Variants in ZNF20 observed in about 807,000 individuals in gnomAD.
The protein encoded by ZNF20 is zinc finger protein KOX13.
ZNF20 carries 9 observed loss-of-function variants against 11.0 expected under a neutral mutation model. The ratio of observed to expected loss-of-function variants is 0.82; its 90% confidence interval spans 0.49 to 1.43. The LOEUF is 1.43. Among genes scored for constraint, ZNF20 ranks in the 40% most tolerant of loss-of-function variants. The pLI is 0.00. For synonymous variants in ZNF20, 182 were observed against 213.0 expected (o/e 0.85, Z 1.27); for missense variants, 528 against 640.8 (o/e 0.82, Z 1.90).
intron 2 of ZNF20, 96 bp downstream of exon 2, chr19:12,135,673 A>G (rs1276242628): frequency 3.8e-6 from 6 of 1,590,990 alleles, no homozygotes; most frequent in Non-Finnish European, 5.1e-6. Context: ...TATTCATCAA[A>G]GTATTTTTTG....
intron 1 of ZNF20, among the ~76,000 whole-genome samples, chr19:12,136,324 C>T (rs759299680): frequency 4.6e-5 from 7 of 151,184 alleles, no homozygotes; most frequent in Non-Finnish European, 1.0e-4. Context: ...TACAGTGGGC[C>T]GAGATCGCGT....
intron 1 of ZNF20, 30 bp downstream of exon 1, chr19:12,140,150 C>T (rs745684580): frequency 1.9e-6 from 3 of 1,594,428 alleles, no homozygotes; most frequent in Admixed American, 3.5e-5. Context: ...GCCCCTCCCC[C>T]GTCTGGGGAC....
chr19:12,140,253 G>A lies in ZNF20; in HGVS notation c.-71C>T, dbSNP rs1251819460. The A allele has an allele frequency of 1.3e-6, 2 of 1,570,482 alleles. No individual in the cohort carries two copies. The highest frequency in any genetic ancestry group is 1.7e-6 in the Non-Finnish European group (2 of 1,156,560). On this transcript the variant is annotated 5_prime_UTR_variant, in exon 1 of 4. Coordinates refer to ENST00000334213, the MANE Select transcript of ZNF20 (RefSeq NM_021143.4). ...AATAGTGCGGGTCACGGTGCAGGCGGCAGAGCGACAGAAGTTGTGGCAGAG... is the reference window on the plus strand; with the variant it reads ...AATAGTGCGGGTCACGGTGCAGGCGACAGAGCGACAGAAGTTGTGGCAGAG...
chr19:12,132,998 T>G lies in ZNF20; in HGVS notation c.1188A>C (p.Glu396Asp). ...TGAATACTTTTCCACATTCCTTACA[T>G]TCATGGGGTTTCTCTCCACTGTGCG... ...ERTHSGEKPH[E>D]CKECGKVFKY... Residue 396 changes from glutamate (E) to aspartate (D), a missense_variant, in exon 4 of 4, where the codon GAA becomes GAC. Glu to Asp is a conservative substitution (Grantham distance 45). Transcript: ENST00000334213. 1 of 1,614,074 alleles carries G rather than the reference T, an allele frequency of 6.2e-7. No homozygotes were observed. Among genetic ancestry groups the G allele is most frequent in the Non-Finnish European group, 8.5e-7 (1 of 1,179,954 alleles).
rs993704924 is a variant in ZNF20, at chr19:12,132,241, G to A, written c.*346C>T. ...ATATCTGGAGACCTACAACTCTGAG[G>A]AACAGAGACAAGTGATTTGGGGGAT... is the stretch of plus-strand genomic sequence containing the variant. On this transcript the variant is annotated 3_prime_UTR_variant, in exon 4 of 4. Coordinates refer to ENST00000334213, the MANE Select transcript of ZNF20 (RefSeq NM_021143.4). The A allele has an allele frequency of 8.8e-6, 2 of 227,954 alleles. No homozygotes were observed. The highest frequency in any genetic ancestry group is 1.1e-4 in the East Asian group (1 of 9,336). The allele number at this position is 227,954 out of a possible 1,614,324, so 14.1% of individuals were successfully genotyped here.
Position 12,133,170 on chromosome 19 carries a change from T to C in ZNF20, c.1016A>G (p.Tyr339Cys), listed in dbSNP as rs201539246. Residue 339 changes from tyrosine (Y) to cysteine (C), a missense_variant, in exon 4 of 4, where the codon TAT (tyrosine) becomes TGT (cysteine). By Grantham distance (194) the Tyr-to-Cys change is radical. Coordinates refer to ENST00000334213, the MANE Select transcript of ZNF20 (RefSeq NM_021143.4). ...GGCTTTACCACATTGCCTACATTCA[T>C]AGGGTTTCTCTCCAGTGTGAGTCCT... The part of the protein sequence containing the change: ...HGRTHTGEKP[Y>C]ECRQCGKAFR... 5.0e-6 allele frequency: 8 copies of C among 1,613,884 alleles called. No individual in the cohort carries two copies. The South Asian group carries it at 5.5e-5, about 11-fold the overall frequency.
Position 12,132,622 on chromosome 19 carries a change from G to T in ZNF20, c.1564C>A (p.Arg522=). ...ATGGTATGAGTTCTTTCATGTTCTC[G>T]ACATGAACTGGCACGAATAAAGGCT... ...GKAFIRASSC[R]EHERTHTINR The change falls in exon 4 of 4, where the codon CGA becomes AGA. Residue 522 remains arginine, a synonymous_variant. Coordinates refer to ENST00000334213, the MANE Select transcript of ZNF20 (RefSeq NM_021143.4). The T allele has an allele frequency of 1.2e-6, 2 of 1,606,264 alleles. No homozygotes were observed. Among genetic ancestry groups the T allele is most frequent in the South Asian group, 1.1e-5 (1 of 89,930 alleles).
In ZNF20 at chr19:12,139,533, ATTT is replaced by A. The variant is rs550020752; in HGVS notation, c.3+644_3+646del. Among the ~76,000 whole-genome samples the A allele has an allele frequency of 6.9e-6, 1 of 145,842 alleles. No homozygotes were observed. Among genetic ancestry groups the A allele is most frequent in the Non-Finnish European group, 1.5e-5 (1 of 66,200 alleles). On this transcript the variant is annotated intron_variant, in intron 1 of 3. Transcript: ENST00000334213. The surrounding 1 kb of genome is among the most constrained non-coding windows in gnomAD (Gnocchi z 4.0). ...ATCGCTGTTTGCTCAAACTCTTTAA[ATTT>A]TTTTTTTTTTTTGAGATGGAATCTC...
At position 12,132,292 on chromosome 19, in the gene ZNF20, C is replaced by G. The variant is rs532380276; in HGVS notation, c.*295G>C. ...ATTCTCGATTAACAAGCCAAAGAAT[C>G]AGGAAAATGGGCTGGAAGCGGGTAG... On this transcript the variant is annotated 3_prime_UTR_variant, in exon 4 of 4. Coordinates refer to ENST00000334213, the MANE Select transcript of ZNF20 (RefSeq NM_021143.4). 2 of 324,216 alleles carry G rather than the reference C, an allele frequency of 6.2e-6. No individual in the cohort carries two copies. The highest frequency in any genetic ancestry group is 1.4e-4 in the South Asian group (2 of 13,902). 20.1% of individuals were successfully genotyped at this position (324,216 alleles called of 1,614,324 possible).
In ZNF20 at chr19:12,133,325, T is replaced by C. The variant is rs779729546; in HGVS notation, c.861A>G (p.Gln287=). The C allele has an allele frequency of 1.2e-5, 20 of 1,614,094 alleles. No individual in the cohort carries two copies. Among genetic ancestry groups the C allele is most frequent in the African/African-American group, 1.1e-4 (8 of 74,952 alleles). Reference sequence around the variant, plus strand: ...TGAAAGAAATGAAGACTTTCCCACATTGCTTACACTCATAGGGTTTTTCTC... The same window carrying C: ...TGAAAGAAATGAAGACTTTCCCACACTGCTTACACTCATAGGGTTTTTCTC... ...HTGEKPYECK[Q]CGKVFISFSS... Residue 287 remains glutamine (Q), a synonymous_variant, in exon 4 of 4, where the codon CAA becomes CAG. Transcript: ENST00000334213.
intron 2 of ZNF20, 62 bp from the exon 3 acceptor site, chr19:12,135,622 T>C (rs1976698108): frequency 6.3e-7 from 1 of 1,594,398 alleles, no homozygotes; most frequent in Admixed American, 1.8e-5. Context: ...TTAAAAATCA[T>C]TAGATTCTGT....
chr19:12,132,589 A>G lies in ZNF20; in HGVS notation c.1597T>C (p.Ter533ArgextTer37), dbSNP rs779609190. Residue 533 changes from the stop codon to arginine, a stop_lost, in exon 4 of 4, where the codon TGA becomes CGA. Transcript: ENST00000334213. ...EHERTHTINR[*>R] The stretch of plus-strand genomic sequence containing the variant: ...GTTGCTTCCACTAAAAGGATTTCTC[A>G]TCTATTAATGGTATGAGTTCTTTCA... 13 of 1,565,752 alleles carry G rather than the reference A, an allele frequency of 8.3e-6. No individual in the cohort carries two copies. The highest frequency in any genetic ancestry group is 4.0e-5 in the Admixed American group (2 of 49,900).
Position 12,133,708 on chromosome 19 carries a change from A to G in ZNF20, c.478T>C (p.Ser160Pro). The G allele has an allele frequency of 1.9e-6, 3 of 1,614,190 alleles. No individual in the cohort carries two copies. Among genetic ancestry groups the G allele is most frequent in the Non-Finnish European group, 2.5e-6 (3 of 1,180,038 alleles). ...TCTTTAGTGCAAGCTTTATCATGTG[A>G]TTGAAAGGAGTCAAGATAACTGAAG... ...KAFSYLDSFQSHDKACTKEKP... is the reference protein window; with the variant it reads ...KAFSYLDSFQPHDKACTKEKP... The change falls in exon 4 of 4, where the codon TCA (serine) becomes CCA (proline). Residue 160 changes from serine (S) to proline (P), a missense_variant. Ser to Pro is a moderately conservative substitution (Grantham distance 74). Transcript: ENST00000334213.
Position 12,132,683 on chromosome 19 carries a change from AGT to A in ZNF20, c.1501_1502del (p.Thr501TrpfsTer24), listed in dbSNP as rs762045587. ...GCTTGCATTGATAGGGTTTCTCTCC[AGT>A]GTGAGTCCTTTCATGATATCGAATG... ...NYIRYHERTH[T>X]GEKPYQCKQC... is the part of the protein sequence containing the mutation. On this transcript the variant is annotated frameshift_variant, in exon 4 of 4. Coordinates refer to ENST00000334213, the MANE Select transcript of ZNF20 (RefSeq NM_021143.4). LOFTEE classifies it low-confidence loss of function (END_TRUNC). The A allele has an allele frequency of 1.2e-6, 2 of 1,614,168 alleles. No individual in the cohort carries two copies. The highest frequency in any genetic ancestry group is 2.2e-5 in the East Asian group (1 of 44,884).
intron 3 of ZNF20, among the ~76,000 whole-genome samples, chr19:12,134,714 A>G (rs1976682692): frequency 1.3e-5 from 2 of 152,226 alleles, no homozygotes; most frequent in Non-Finnish European, 2.9e-5. Flanking sequence ...ACTGCCCGGC[A>G]AAGTGTCAGC....
At chr19:12,140,123 C>CCCGG in intron 1 of ZNF20, 57 bp downstream of exon 1, 1 of 1,571,742 alleles carries the variant, frequency 6.4e-7, no homozygotes, top group Non-Finnish European at 8.6e-7. Flanking sequence ...ACAGCCGCTT[C>CCCGG]CGGCCGGTTC....
Position 12,133,130 on chromosome 19 carries a change from C to G in ZNF20, c.1056G>C (p.Ser352=). ...RQCGKAFRCT[S]DLQRHEKTHT... is the part of the protein sequence containing the mutation. ...GTGTCTTTTCATGCCTTTGAAGGTC[C>G]GAGGTACATCTGAAGGCTTTACCAC... Residue 352 remains serine (S), a synonymous_variant, in exon 4 of 4, where the codon TCG becomes TCC. Transcript: ENST00000334213. 6.2e-7 allele frequency: 1 copy of G among 1,611,198 alleles called. No homozygotes were observed. The highest frequency in any genetic ancestry group is 8.5e-7 in the Non-Finnish European group (1 of 1,179,354).
At chr19:12,134,551 G>A (rs982976864) in intron 3 of ZNF20, among the ~76,000 whole-genome samples, 2 of 152,128 alleles carry the variant, frequency 1.3e-5, no homozygotes, top group African/African-American at 4.8e-5. Flanking sequence ...GCTAAGGCAC[G>A]AGAATACCTC....
chr19:12,132,445 G>C lies in ZNF20; in HGVS notation c.*142C>G. ...TTACGAAACCATCCAAGTTCTTCTA[G>C]ATTTTATTGTCCTATCGCAAGTCTC... On this transcript the variant is annotated 3_prime_UTR_variant, in exon 4 of 4. Coordinates refer to ENST00000334213, the MANE Select transcript of ZNF20 (RefSeq NM_021143.4). 1.2e-6 allele frequency: 1 copy of C among 829,350 alleles called. No homozygotes were observed. The allele number at this position is 829,350 out of a possible 1,614,324, so 51.4% of individuals were successfully genotyped here.
Sources: gnomAD v4.1 joint callset for allele counts (sites outside exome capture counted in the v4.1 genomes callset) on GRCh38, gnomAD v4.1.1 for gene constraint, Gnocchi (gnomAD v3.1) non-coding constraint, MANE v1.5 for transcripts, NCBI Gene and HGNC (gene_info 2026-07-23, HGNC 2026-07-21) for gene names.